The following ACBD5 variants were observed in gnomAD, a reference collection of about 807,000 sequenced individuals.
ACBD5 encodes acyl-CoA binding domain containing 5, also known as acyl-CoA-binding domain-containing protein 5.
In ACBD5, 40 loss-of-function variants were observed where a neutral mutation model predicts 71.8. The observed-to-expected ratio is 0.56, with a 90% CI of 0.43 to 0.72. The LOEUF (loss-of-function observed/expected upper bound fraction) is 0.72, where lower values mean the gene tolerates loss of function less well. Ranked by LOEUF, ACBD5 falls within the 30% of genes least tolerant of loss-of-function variation. The pLI is 0.00. For synonymous variants in ACBD5, 229 were observed against 218.6 expected, an observed-to-expected ratio of 1.05 and a Z score of -0.42; for missense variants, 559 against 644.5, an observed-to-expected ratio of 0.87 and a Z score of 1.44.
At chr10:27,204,138 CAAAAAAAAAAAAAA>C (rs11346187) in intron 12 of ACBD5, among the ~76,000 whole-genome samples, 2 of 45,746 alleles carry the variant, frequency 4.4e-5, no homozygotes, top group East Asian at 8.1e-4. Context: ...GACCCAGTCT[CAAAAAAAAAAAAAA>C]AAAAAAAAAA....
At chr10:27,227,956 G>T (rs961076233) in intron 4 of ACBD5, among the ~76,000 whole-genome samples, 15 of 151,720 alleles carry the variant, frequency 9.9e-5, no homozygotes, top group African/African-American at 3.1e-4. Flanking sequence ...CAGGTGATCC[G>T]CCTGTCTCAG....
intron 2 of ACBD5, among the ~76,000 whole-genome samples, chr10:27,236,403 G>C (rs990983761): frequency 1.5e-4 from 23 of 152,060 alleles, no homozygotes; most frequent in Non-Finnish European, 5.9e-5. Flanking sequence ...AAAAAGTACA[G>C]TAGAAAGATA....
intron 13 of ACBD5, among the ~76,000 whole-genome samples, chr10:27,189,841 AAG>A (rs1185841017): frequency 6.6e-6 from 1 of 151,884 alleles, no homozygotes; most frequent in South Asian, 2.1e-4. Flanking sequence ...AATTTAGAAA[AAG>A]AGTAAAAAGA....
chr10:27,217,216 G>A (rs1376604124), intron 7 of ACBD5, among the ~76,000 whole-genome samples: 3 of 150,362 alleles, frequency 2.0e-5, no homozygotes, highest in Non-Finnish European at 2.9e-5. Context: ...AGCACTTTGG[G>A]AGGCCAAGGC....
At chr10:27,219,313 A>AAAC (rs1364101229) in intron 6 of ACBD5, among the ~76,000 whole-genome samples, 1 of 60,814 alleles carries the variant, frequency 1.6e-5, no homozygotes, top group Non-Finnish European at 3.2e-5. Flanking sequence ...TCTCATAAAA[A>AAAC]AACAAAAAAA....
chr10:27,206,299 TA>T (rs1447113019), intron 10 of ACBD5, among the ~76,000 whole-genome samples: 2 of 151,324 alleles, frequency 1.3e-5, no homozygotes, highest in Non-Finnish European at 2.9e-5. Context: ...TGAATATATG[TA>T]AAATATTCTT....
At chr10:27,198,390 A>G (rs933402249) in intron 12 of ACBD5, among the ~76,000 whole-genome samples, 1 of 152,204 alleles carries the variant, frequency 6.6e-6, no homozygotes, top group African/African-American at 2.4e-5. Context: ...CTGCTCTAAA[A>G]TCTACAAACC....
chr10:27,217,979 C>T lies in ACBD5; in HGVS notation c.829+1G>A, dbSNP rs775769747. ...GACACAGAATTATTTGGGGACAATA[C>T]CTTGGTGAATGCAAACAGCAGATTT... On this transcript the variant is annotated splice_donor_variant, in intron 7 of 12. Transcript: ENST00000396271. LOFTEE classifies it high-confidence loss of function. 3 of 1,613,826 alleles carry T rather than the reference C, an allele frequency of 1.9e-6. No homozygotes were observed. The highest frequency in any genetic ancestry group is 3.3e-5 in the Admixed American group (2 of 60,002).
chr10:27,212,275 G>A (rs2061169641), intron 8 of ACBD5, among the ~76,000 whole-genome samples: 1 of 152,196 alleles, frequency 6.6e-6, no homozygotes, highest in Non-Finnish European at 1.5e-5. Flanking sequence ...CTTGAACCCA[G>A]GAGGTGGAGG....
rs117615378 is a variant in ACBD5 at position 27,210,744 on chromosome 10, C to T, written c.1204+70G>A. 6.7e-5 allele frequency: 107 copies of T among 1,601,420 alleles called. No individual in the cohort carries two copies. In the Admixed American group the frequency reaches 1.5e-3, roughly 22 times the overall value. On this transcript the variant is annotated intron_variant, in intron 9 of 12. Transcript: ENST00000396271. ...CCGCACACCAGCCTGGGCGACAGAG[C>T]GCGAGACTCCATCTCAAAAATAAGT...
Position 27,211,050 on chromosome 10 carries a change from G to T in ACBD5, c.968C>A (p.Pro323Gln), listed in dbSNP as rs41314978. The part of the protein sequence containing the change: ...SLDSFTSNNG[P>Q]FQYYLGGHSS... ...ATGACCACCCAAGTAATACTGAAAT[G>T]GTCCATTGTTGGACGTAAAGCTGTC... The change falls in exon 9 of 13, where the codon CCA becomes CAA. Residue 323 changes from proline (P) to glutamine (Q), a missense_variant. Transcript: ENST00000396271. 5.9e-3 allele frequency: 9,552 copies of T among 1,614,096 alleles called. 336 individuals carry two copies. The East Asian group carries it at 0.1, about 18-fold the overall frequency.
At chr10:27,192,882 T>C (rs2059135277), downstream of ACBD5, among the ~76,000 whole-genome samples, 1 of 151,458 alleles carries the variant, frequency 6.6e-6, no homozygotes, top group Non-Finnish European at 1.5e-5. Flanking sequence ...AGGCAGAGAA[T>C]TGCTTGAACC....
chr10:27,237,957 T>A (rs2368220), intron 2 of ACBD5, among the ~76,000 whole-genome samples: 14,191 of 149,832 alleles, frequency 0.095, 853 homozygotes, highest in African/African-American at 0.16. Context: ...AATTTAATTT[T>A]ATTTTATTTT....
chr10:27,187,988 G>A (rs1337298719), intron 13 of ACBD5, among the ~76,000 whole-genome samples: 3 of 152,086 alleles, frequency 2.0e-5, no homozygotes, highest in Admixed American at 1.3e-4. Flanking sequence ...TCAACAAAGC[G>A]AGACCCCATT....
At chr10:27,218,419 T>C (rs1258052286) in intron 6 of ACBD5, among the ~76,000 whole-genome samples, 2 of 152,178 alleles carry the variant, frequency 1.3e-5, no homozygotes, top group Non-Finnish European at 2.9e-5. Context: ...TTCTAGAATT[T>C]CTTTTAAAAA....
At chr10:27,241,016 T>A, upstream of ACBD5, 1 of 518,868 alleles carries the variant, frequency 1.9e-6, no homozygotes, top group Non-Finnish European at 3.5e-6. Context: ...CGCGCTTTTG[T>A]TCAGAAGGGG....
chr10:27,183,028 C>T (rs181483453), intron 13 of ACBD5, among the ~76,000 whole-genome samples: 93 of 151,946 alleles, frequency 6.1e-4, no homozygotes, highest in African/African-American at 2.0e-3. Flanking sequence ...TTTATGAAAC[C>T]CTCTGTTCTG....
intron 6 of ACBD5, 107 bp from the exon 7 acceptor site, chr10:27,218,290 T>C: frequency 1.1e-6 from 1 of 921,664 alleles, no homozygotes; most frequent in African/African-American, 1.6e-5. Flanking sequence ...CACAATCCCT[T>C]TGAAGGGTTT....
rs532798159 is a variant in ACBD5 at position 27,223,326 on chromosome 10, A to C, written c.490+12T>G. ...CAGTTGATGAATTTAAAAATAGGTAAAATAGTCCAACCTGAGGTTATATCA... is the reference window on the plus strand; with the variant it reads ...CAGTTGATGAATTTAAAAATAGGTACAATAGTCCAACCTGAGGTTATATCA... On this transcript the variant is annotated intron_variant, in intron 5 of 12. Transcript: ENST00000396271. The C allele has an allele frequency of 4.4e-5, 70 of 1,583,496 alleles. 1 individual carries two copies. The South Asian group carries it at 7.7e-4, about 17-fold the overall frequency.
Sources: allele counts gnomAD v4.1 joint callset (sites outside exome capture counted in the v4.1 genomes callset), GRCh38; gene constraint gnomAD v4.1.1; transcripts MANE v1.5; gene names NCBI Gene and HGNC (gene_info 2026-07-23, HGNC 2026-07-21).